Variants in RTN4IP1 observed in about 807,000 individuals in gnomAD.
RTN4IP1 encodes the protein reticulon 4 interacting protein 1.
In RTN4IP1, 32 loss-of-function variants were observed where a neutral mutation model predicts 46.6. The ratio of observed to expected loss-of-function variants is 0.69; its 90% CI spans 0.52 to 0.92. The LOEUF (loss-of-function observed/expected upper bound fraction) is 0.92. RTN4IP1 is among the 40% of genes least tolerant of loss of function. The pLI is 0.00. For missense variants in RTN4IP1, 424 were observed against 485.8 expected (o/e 0.87, Z 1.20); for synonymous variants, 167 against 161.8 (o/e 1.03, Z -0.24).
chr6:106,624,356 T>C (rs1776575995), intron 1 of RTN4IP1, among the ~76,000 whole-genome samples: 1 of 151,690 alleles, frequency 6.6e-6, no homozygotes. Flanking sequence ...ACCCGGCCTA[T>C]TTTATTTATT....
chr6:106,621,265 A>G lies in RTN4IP1; in HGVS notation c.495+160T>C, dbSNP rs115331965. On this transcript the variant is annotated intron_variant, in intron 3 of 8. Coordinates refer to ENST00000369063, the MANE Select transcript of RTN4IP1 (RefSeq NM_032730.5). ...CAGGCAGTGTTACTGAATGGCATCA[A>G]ATACTTTTTTAATCTCTCAAAAATT... 8.6e-3 allele frequency among the ~76,000 whole-genome samples: 1,315 copies of G among 152,328 alleles called. 27 individuals are homozygous for G. The highest frequency in any genetic ancestry group is 0.03 in the African/African-American group (1,261 of 41,560).
At chr6:106,606,578 G>T (rs1232441614) in intron 4 of RTN4IP1, among the ~76,000 whole-genome samples, 3 of 151,968 alleles carry the variant, frequency 2.0e-5, no homozygotes, top group Non-Finnish European at 4.4e-5. Context: ...GGAGGTGAAA[G>T]ATTTATATAA....
intron 5 of RTN4IP1, among the ~76,000 whole-genome samples, chr6:106,599,692 T>C (rs183034147): frequency 6.6e-4 from 101 of 152,280 alleles, no homozygotes; most frequent in Non-Finnish European, 1.1e-3. Context: ...CTCATTTTAC[T>C]GTTGATGGAC....
intron 5 of RTN4IP1, among the ~76,000 whole-genome samples, chr6:106,599,459 T>TC (rs1775887822): frequency 6.6e-6 from 1 of 151,486 alleles, no homozygotes; most frequent in Admixed American, 6.6e-5. Flanking sequence ...TGCTTTTTTT[T>TC]TTTTTTAAGA....
chr6:106,605,812 GT>G (rs1223316369), intron 4 of RTN4IP1, among the ~76,000 whole-genome samples: 1 of 70,050 alleles, frequency 1.4e-5, no homozygotes, highest in Non-Finnish European at 2.5e-5. Context: ...GCAAGACTCT[GT>G]CCCAAAAAAA....
At chr6:106,623,106 G>C in intron 1 of RTN4IP1, 137 bp from the exon 2 acceptor site, 4 of 823,524 alleles carry the variant, frequency 4.9e-6, no homozygotes, top group Non-Finnish European at 7.6e-6. Flanking sequence ...AGACACATAA[G>C]TGTATGTTCA....
chr6:106,601,579 T>C lies in RTN4IP1; in HGVS notation c.669+1295A>G, dbSNP rs1183451138. 3.9e-5 allele frequency among the ~76,000 whole-genome samples: 6 copies of C among 152,160 alleles called. No homozygotes were observed. The South Asian group carries it at 8.3e-4, about 21-fold the overall frequency. The stretch of plus-strand genomic sequence containing the variant: ...AAGAGTTTTACAGTTTTAGCTCTTA[T>C]GTTTAGATCTTTGATCCATTTTGAG... On this transcript the variant is annotated intron_variant, in intron 5 of 8. Transcript: ENST00000369063.
rs75903806 is a variant in RTN4IP1 at position 106,629,482 on chromosome 6, C to T, written c.-461G>A. The T allele has an allele frequency of 2.4e-3, 1,720 of 717,016 alleles. 9 individuals are homozygous for T. Among genetic ancestry groups the T allele is most frequent in the South Asian group, 7.4e-3 (387 of 51,966 alleles). The allele number at this position is 717,016 out of a possible 1,614,324, so 44.4% of individuals were successfully genotyped here. ...TCCTTGCCTGCCCGCTCTCCTTAGC[C>T]GCCGGGATGGCTTTGCGGCGCCAAC... On this transcript the variant is annotated 5_prime_UTR_variant, in exon 1 of 9. Transcript: ENST00000369063.
chr6:106,579,316 G>A (rs576815026), intron 8 of RTN4IP1, among the ~76,000 whole-genome samples: 2 of 151,878 alleles, frequency 1.3e-5, no homozygotes, highest in South Asian at 4.2e-4. Flanking sequence ...CCCACAGGCT[G>A]TAGTTTGCCA....
chr6:106,598,600 T>C (rs1458304174), intron 5 of RTN4IP1, among the ~76,000 whole-genome samples: 2 of 151,960 alleles, frequency 1.3e-5, no homozygotes, highest in Non-Finnish European at 1.5e-5. Context: ...ATATTAGCCC[T>C]TTGTCAGATG....
chr6:106,611,238 C>A (rs1200223956), intron 4 of RTN4IP1, among the ~76,000 whole-genome samples: 2 of 152,088 alleles, frequency 1.3e-5, no homozygotes, highest in Non-Finnish European at 1.5e-5. Flanking sequence ...GATCTGTCAC[C>A]TACAAAATGA....
At chr6:106,622,436 C>A (rs1045458430) in intron 2 of RTN4IP1, among the ~76,000 whole-genome samples, 1 of 152,150 alleles carries the variant, frequency 6.6e-6, no homozygotes, top group Non-Finnish European at 1.5e-5. Context: ...ATTCTCTTTA[C>A]CTTGAGTTGA....
intron 5 of RTN4IP1, among the ~76,000 whole-genome samples, chr6:106,601,117 T>C (rs1775937559): frequency 2.0e-5 from 3 of 152,256 alleles, no homozygotes; most frequent in African/African-American, 7.2e-5. Flanking sequence ...TTGCTTTTTA[T>C]TGTAAGACAC....
intron 4 of RTN4IP1, 72 bp from the exon 5 acceptor site, chr6:106,602,994 T>C: frequency 1.0e-6 from 1 of 995,108 alleles, no homozygotes; most frequent in Non-Finnish European, 1.5e-6. Flanking sequence ...TTTCAACAAA[T>C]AACTGGTTGA....
At chr6:106,623,070 G>A in intron 1 of RTN4IP1, 101 bp from the exon 2 acceptor site, 8 of 1,128,922 alleles carry the variant, frequency 7.1e-6, no homozygotes, top group Non-Finnish European at 1.0e-5. Flanking sequence ...TCTTCAAGAT[G>A]TAGATTATAA....
At chr6:106,599,664 T>C (rs1233843587) in intron 5 of RTN4IP1, among the ~76,000 whole-genome samples, 2 of 152,118 alleles carry the variant, frequency 1.3e-5, no homozygotes, top group Non-Finnish European at 2.9e-5. Context: ...AATGTAAGAA[T>C]ATACCACAAT....
At chr6:106,614,062 T>C (rs545378025) in intron 4 of RTN4IP1, among the ~76,000 whole-genome samples, 10 of 152,340 alleles carry the variant, frequency 6.6e-5, no homozygotes, top group African/African-American at 2.2e-4. Flanking sequence ...CTGACCACCT[T>C]GGGTGCATGT....
chr6:106,625,749 C>G (rs1395343861), intron 1 of RTN4IP1, among the ~76,000 whole-genome samples: 2 of 149,316 alleles, frequency 1.3e-5, no homozygotes, highest in South Asian at 2.2e-4. Context: ...CTGCAACTTC[C>G]GCCTCCCGGG....
At chr6:106,621,688 C>T (rs755881066) in intron 2 of RTN4IP1, among the ~76,000 whole-genome samples, 195 bp from the exon 3 acceptor site, 2 of 152,160 alleles carry the variant, frequency 1.3e-5, no homozygotes, top group Admixed American at 6.5e-5. Flanking sequence ...AGTCAAACCA[C>T]GCTGGAAGCA....
Sources: allele counts gnomAD v4.1 joint callset (sites outside exome capture counted in the v4.1 genomes callset), GRCh38; gene constraint gnomAD v4.1.1; transcripts MANE v1.5; gene names NCBI Gene and HGNC (gene_info 2026-07-23, HGNC 2026-07-21).